The following HECW1 variants were observed in gnomAD, a reference collection of about 807,000 sequenced individuals.
HECW1 encodes the protein HECT, C2 and WW domain containing E3 ubiquitin protein ligase 1.
A neutral mutation model predicts 182.3 loss-of-function variants in HECW1; 61 were observed. That is an observed-to-expected ratio of 0.33 (90% CI 0.27 to 0.41). The LOEUF (loss-of-function observed/expected upper bound fraction) is 0.41, where lower values mean the gene tolerates loss of function less well. HECW1 is among the 10% of genes least tolerant of loss of function. The probability of loss-of-function intolerance (pLI) is 1.00; values close to 1 mark genes in which losing one functional copy is unlikely to be tolerated. For synonymous variants in HECW1, 859 were observed against 832.6 expected (o/e 1.03, Z -0.55); for missense variants, 1,739 against 2,108.9 (o/e 0.82, Z 3.44).
At chr7:43,419,185 C>T (rs976468745) in intron 8 of HECW1, among the ~76,000 whole-genome samples, 43 of 152,276 alleles carry the variant, frequency 2.8e-4, no homozygotes, top group Middle Eastern at 3.4e-3. Context: ...TTGCCTGGTT[C>T]ATCCAGCCAA....
intron 17 of HECW1, among the ~76,000 whole-genome samples, chr7:43,489,165 G>A (rs766039688): frequency 1.3e-5 from 2 of 152,140 alleles, no homozygotes; most frequent in African/African-American, 4.8e-5. Flanking sequence ...AAGCCTTCCC[G>A]AGCTCAGCCA....
intron 6 of HECW1, 77 bp downstream of exon 6, chr7:43,361,057 CGT>C (rs3032904): frequency 0.16 from 98,014 of 619,522 alleles, 2,134 homozygotes; most frequent in Admixed American, 0.21. Context: ...CTTGTGCGTG[CGT>C]GTGTGTGTGT....
chr7:43,558,251 T>C (rs1225849321), intron 29 of HECW1, among the ~76,000 whole-genome samples: 3 of 151,920 alleles, frequency 2.0e-5, no homozygotes, highest in East Asian at 1.9e-4. Flanking sequence ...AGTGTGGAGA[T>C]AGAATAAAGG....
At chr7:43,176,078 TG>T (rs1202714920) in intron 2 of HECW1, among the ~76,000 whole-genome samples, 1 of 152,146 alleles carries the variant, frequency 6.6e-6, no homozygotes, top group African/African-American at 2.4e-5. Context: ...GGAGGAAAAA[TG>T]GATTTCCTGA....
intron 2 of HECW1, among the ~76,000 whole-genome samples, chr7:43,136,457 G>A (rs1787550317): frequency 6.6e-6 from 1 of 152,160 alleles, no homozygotes; most frequent in South Asian, 2.1e-4. Context: ...TCCTCAGCTG[G>A]GCTGAAATTA....
At chr7:43,200,856 C>T (rs908205433) in intron 2 of HECW1, among the ~76,000 whole-genome samples, 3 of 152,140 alleles carry the variant, frequency 2.0e-5, no homozygotes, top group African/African-American at 7.2e-5. Flanking sequence ...ATGCTTTACC[C>T]TAAACAAAAA....
At position 43,562,146 on chromosome 7, in the gene HECW1, G is replaced by A. The variant is rs2082225383; in HGVS notation, c.*220G>A. The A allele has an allele frequency of 2.0e-6, 1 of 500,648 alleles. No individual in the cohort carries two copies. Among genetic ancestry groups the A allele is most frequent in the South Asian group, 2.6e-5 (1 of 39,096 alleles). The allele number at this position is 500,648 out of a possible 1,614,324, so 31.0% of individuals were successfully genotyped here. A position where few individuals can be genotyped will look rare whatever the true frequency, so the allele number is the denominator to read the frequency against. On this transcript the variant is annotated 3_prime_UTR_variant, in exon 30 of 30. Coordinates refer to ENST00000395891, the MANE Select transcript of HECW1 (RefSeq NM_015052.5). ...CTCCTCTGTTTTCAATGAACTGCTA[G>A]CCTGTATGCAATATTAAAAAACAGC...
At position 43,408,615 on chromosome 7, in the gene HECW1, G is replaced by C. The variant is rs189767813; in HGVS notation, c.801+884G>C. ...GTGGGAGGACTTCTTGAGCCTGACA[G>C]GCAGAGGTTGTAGTGAGCTGGGATC... is the stretch of plus-strand genomic sequence containing the variant. On this transcript the variant is annotated intron_variant, in intron 8 of 29. Coordinates refer to ENST00000395891, the MANE Select transcript of HECW1 (RefSeq NM_015052.5). Among the ~76,000 whole-genome samples, 19 of 152,194 alleles carry C rather than the reference G, an allele frequency of 1.2e-4. No homozygotes were observed. In the East Asian group the frequency reaches 3.5e-3, roughly 28 times the overall value.
chr7:43,353,753 T>G (rs902714383), intron 5 of HECW1, among the ~76,000 whole-genome samples: 7 of 152,184 alleles, frequency 4.6e-5, no homozygotes, highest in Non-Finnish European at 1.0e-4. Context: ...TTGGGTTCCC[T>G]GGGAGGAGAC....
intron 24 of HECW1, among the ~76,000 whole-genome samples, chr7:43,520,772 C>T (rs1245121184): frequency 6.6e-6 from 1 of 152,092 alleles, no homozygotes; most frequent in African/African-American, 2.4e-5. Flanking sequence ...TTCACTGAGC[C>T]CCTCAGGCTC....
chr7:43,368,043 T>C (rs2152817527), intron 6 of HECW1, among the ~76,000 whole-genome samples: 2 of 152,334 alleles, frequency 1.3e-5, no homozygotes, highest in Middle Eastern at 6.8e-3. Flanking sequence ...CTTTATGTAG[T>C]CTGTGCCTTC....
intron 2 of HECW1, among the ~76,000 whole-genome samples, chr7:43,166,155 C>G (rs1791087064): frequency 6.6e-6 from 1 of 152,210 alleles, no homozygotes; most frequent in African/African-American, 2.4e-5. Flanking sequence ...GCTATCTCAG[C>G]TCACTGCAAC....
intron 2 of HECW1, among the ~76,000 whole-genome samples, chr7:43,138,779 A>G (rs1418045158): frequency 6.6e-6 from 1 of 152,206 alleles, no homozygotes; most frequent in Non-Finnish European, 1.5e-5. Context: ...TTTTAGGATG[A>G]AAATAGAGCT....
At chr7:43,544,050 A>G (rs1467410048) in intron 26 of HECW1, among the ~76,000 whole-genome samples, 1 of 152,144 alleles carries the variant, frequency 6.6e-6, no homozygotes, top group African/African-American at 2.4e-5. Context: ...TGGATCAGAA[A>G]CCTGAATGTA....
chr7:43,155,266 C>T (rs1261386084), intron 2 of HECW1, among the ~76,000 whole-genome samples: 1 of 152,132 alleles, frequency 6.6e-6, no homozygotes, highest in Non-Finnish European at 1.5e-5. Context: ...TTAAATTTAA[C>T]AACTTTCTAA....
In HECW1 at chr7:43,183,332, T is replaced by G. The variant is rs577826649; in HGVS notation, c.-31-60543T>G. Among the ~76,000 whole-genome samples the G allele has an allele frequency of 3.9e-3, 599 of 152,318 alleles. 3 individuals carry two copies. Among genetic ancestry groups the G allele is most frequent in the African/African-American group, 0.014 (565 of 41,560 alleles). On this transcript the variant is annotated intron_variant, in intron 2 of 29. Transcript: ENST00000395891. ...CCAGGCTGGAGAATAGATACCTGGTTTTCCTCCCTTATTCCTAGTTTTCCT... is the reference window on the plus strand; with the variant it reads ...CCAGGCTGGAGAATAGATACCTGGTGTTCCTCCCTTATTCCTAGTTTTCCT...
In HECW1 at chr7:43,444,928, G is replaced by C; in HGVS notation, c.1756G>C (p.Glu586Gln). The stretch of plus-strand genomic sequence containing the variant: ...CGCGGCAGAGGAGGAGGACGGCGCG[G>C]AGGAGGAGTCCACCCTCAAGGACTC... The part of the protein sequence containing the change: ...GSAAEEEDGA[E>Q]EESTLKDSSE... Residue 586 changes from glutamate to glutamine, a missense_variant, in exon 11 of 30, where the codon GAG (glutamate) becomes CAG (glutamine). Glu to Gln is a conservative substitution (Grantham distance 29). This residue lies in a region of HECW1 where 971 missense variants were observed against 1,029.1 expected (regional missense o/e 0.94). Coordinates refer to ENST00000395891, the MANE Select transcript of HECW1 (RefSeq NM_015052.5). This position sits in a 1 kb window ranked among gnomAD's most constrained non-coding sequence, Gnocchi z 4.3. The C allele has an allele frequency of 6.3e-7, 1 of 1,592,042 alleles. No individual in the cohort carries two copies.
chr7:43,182,075 C>T (rs569550711), intron 2 of HECW1, among the ~76,000 whole-genome samples: 127 of 152,262 alleles, frequency 8.3e-4, no homozygotes, highest in Non-Finnish European at 1.4e-3. Flanking sequence ...TGAGCCACCG[C>T]GCCAGGCCTC....
At chr7:43,346,609 A>G (rs188833591) in intron 5 of HECW1, among the ~76,000 whole-genome samples, 1 of 152,224 alleles carries the variant, frequency 6.6e-6, no homozygotes, top group East Asian at 1.9e-4. Context: ...ATCTTCTAGA[A>G]TTTTTATAGT....
Sources: gnomAD v4.1 joint callset for allele counts (sites outside exome capture counted in the v4.1 genomes callset) on GRCh38, gnomAD v4.1.1 for gene constraint, gnomAD v4.1.1 regional missense constraint, Gnocchi (gnomAD v3.1) non-coding constraint, MANE v1.5 for transcripts, NCBI Gene and HGNC (gene_info 2026-07-23, HGNC 2026-07-21) for gene names.